The following AUTS2 variants were observed in gnomAD, a reference collection of about 807,000 sequenced individuals.
The protein encoded by AUTS2 is autism susceptibility gene 2 protein.
In AUTS2, 17 loss-of-function variants were observed where a neutral mutation model predicts 112.4. The ratio of observed to expected loss-of-function variants is 0.15; its 90% CI spans 0.10 to 0.23. AUTS2 has a LOEUF of 0.23. Among genes scored for constraint, AUTS2 ranks in the 10% least tolerant of loss-of-function variants. AUTS2 has a pLI of 1.00. For synonymous variants in AUTS2, 751 were observed against 702.7 expected (o/e 1.07, Z -1.09); for missense variants, 1,510 against 1,701.6 (o/e 0.89, Z 1.98).
intron 1 of AUTS2, among the ~76,000 whole-genome samples, chr7:69,645,290 T>C (rs1383622761): frequency 2.0e-5 from 3 of 152,122 alleles, no homozygotes; most frequent in Non-Finnish European, 4.4e-5. Flanking sequence ...CAATGAAAAT[T>C]GTCAAGTAAA....
chr7:70,021,224 C>T (rs888544694), intron 2 of AUTS2, among the ~76,000 whole-genome samples: 11 of 152,240 alleles, frequency 7.2e-5, no homozygotes, highest in East Asian at 5.8e-4. Context: ...TCAGGTGATC[C>T]GCCCGCCTTG....
intron 4 of AUTS2, among the ~76,000 whole-genome samples, chr7:70,282,487 G>A (rs1788267250): frequency 6.6e-6 from 1 of 152,146 alleles, no homozygotes; most frequent in Non-Finnish European, 1.5e-5. Flanking sequence ...GCACCTTCTA[G>A]CTGTGTCCTT....
intron 4 of AUTS2, among the ~76,000 whole-genome samples, chr7:70,364,904 A>G (rs1244765128): frequency 6.6e-6 from 1 of 152,194 alleles, no homozygotes; most frequent in African/African-American, 2.4e-5. Context: ...CTAAAATGCT[A>G]AAAACTTTTC....
chr7:69,788,222 C>T (rs1789464315), intron 1 of AUTS2, among the ~76,000 whole-genome samples: 1 of 152,078 alleles, frequency 6.6e-6, no homozygotes, highest in Admixed American at 6.5e-5. Flanking sequence ...GCAGAGTTGT[C>T]TCTGGCTGAC....
chr7:70,719,207 A>G (rs1201427637), intron 6 of AUTS2, among the ~76,000 whole-genome samples: 1 of 152,076 alleles, frequency 6.6e-6, no homozygotes, highest in African/African-American at 2.4e-5. Context: ...CACTCACCCC[A>G]TGCTACATCA....
intron 4 of AUTS2, among the ~76,000 whole-genome samples, chr7:70,154,868 T>C (rs1807656021): frequency 6.6e-6 from 1 of 152,122 alleles, no homozygotes; most frequent in Non-Finnish European, 1.5e-5. Flanking sequence ...CCTTTTAGTA[T>C]TGGAAGGATA....
At chr7:69,839,833 T>C (rs1352726701) in intron 1 of AUTS2, among the ~76,000 whole-genome samples, 1 of 151,992 alleles carries the variant, frequency 6.6e-6, no homozygotes, top group Admixed American at 6.6e-5. Flanking sequence ...AAAGGAAATA[T>C]GGCAGGAGAG....
rs184963251 is a variant in AUTS2 at position 70,396,537 on chromosome 7, C to T, written c.661-39215C>T. ...GATTACAGGTGTATACCACCACACC[C>T]GGCTAATGTTTGTATCTTTAGTAGA... On this transcript the variant is annotated intron_variant, in intron 4 of 18. Coordinates refer to ENST00000342771, the MANE Select transcript of AUTS2 (RefSeq NM_015570.4). Among the ~76,000 whole-genome samples, 37 of 152,146 alleles carry T rather than the reference C, an allele frequency of 2.4e-4. 1 individual carries two copies. Among genetic ancestry groups the T allele is most frequent in the South Asian group, 1.2e-3 (6 of 4,816 alleles).
chr7:69,961,779 AAAG>A (rs1486005674), intron 2 of AUTS2, among the ~76,000 whole-genome samples: 3 of 152,146 alleles, frequency 2.0e-5, no homozygotes, highest in Non-Finnish European at 4.4e-5. Context: ...CTTCCTCTCA[AAAG>A]AAGATTATTG....
chr7:70,323,650 C>T (rs148488465), intron 4 of AUTS2, among the ~76,000 whole-genome samples: 18 of 152,286 alleles, frequency 1.2e-4, no homozygotes, highest in African/African-American at 3.6e-4. Flanking sequence ...ATCCTGATCT[C>T]GCAACTCACA....
chr7:70,752,322 T>G (rs1788919263), intron 6 of AUTS2, among the ~76,000 whole-genome samples: 1 of 152,180 alleles, frequency 6.6e-6, no homozygotes, highest in African/African-American at 2.4e-5. Context: ...ATTTGGAGTT[T>G]TCCTGTGTTC....
At chr7:70,659,762 A>C (rs756814513) in intron 5 of AUTS2, among the ~76,000 whole-genome samples, 1 of 152,168 alleles carries the variant, frequency 6.6e-6, no homozygotes, top group Non-Finnish European at 1.5e-5. Flanking sequence ...GCATATACAT[A>C]GTGTAATGTC....
chr7:69,674,870 G>T (rs2533429), intron 1 of AUTS2, among the ~76,000 whole-genome samples: 1 of 151,930 alleles, frequency 6.6e-6, no homozygotes, highest in Non-Finnish European at 1.5e-5. Context: ...GACAAGAAAC[G>T]TGGGTCAGGA....
At chr7:70,769,660 G>A (rs1790209341) in intron 10 of AUTS2, among the ~76,000 whole-genome samples, 1 of 152,172 alleles carries the variant, frequency 6.6e-6, no homozygotes, top group African/African-American at 2.4e-5. Context: ...ACTCCTGCCT[G>A]GGCGACTGAG....
At chr7:69,720,797 C>T (rs1005166516) in intron 1 of AUTS2, among the ~76,000 whole-genome samples, 8 of 152,078 alleles carry the variant, frequency 5.3e-5, no homozygotes, top group Non-Finnish European at 7.4e-5. Context: ...GGCTGCCCAA[C>T]GTATTTCAGG....
At chr7:70,757,930 C>T (rs1241116963) in intron 6 of AUTS2, among the ~76,000 whole-genome samples, 1 of 146,282 alleles carries the variant, frequency 6.8e-6, no homozygotes, top group Non-Finnish European at 1.5e-5. Flanking sequence ...CACAGGCAGA[C>T]ACCACCACAC....
At chr7:69,746,623 G>A (rs1009215822) in intron 1 of AUTS2, among the ~76,000 whole-genome samples, 5 of 152,124 alleles carry the variant, frequency 3.3e-5, no homozygotes, top group African/African-American at 1.2e-4. Context: ...GGGTGCTCTT[G>A]CCGTGTTTGA....
rs1562944236 is a variant in AUTS2, at chr7:69,876,529, TATATATATATATATA to T, written c.310-22756_310-22742del. Reference sequence around the variant, plus strand: ...ATATATATATATATATATATATATATATATATATATATATATTTTCAGTGTTCATATAACAAATTT... The same window carrying T: ...ATATATATATATATATATATATATATTTTTCAGTGTTCATATAACAAATTT... On this transcript the variant is annotated intron_variant, in intron 1 of 18. Transcript: ENST00000342771. 8.6e-4 allele frequency among the ~76,000 whole-genome samples: 60 copies of T among 69,388 alleles called. 1 individual carries two copies. The South Asian group carries it at 0.011, about 13-fold the overall frequency. The allele number at this position is 69,388 out of a possible 152,430, so 45.5% of individuals were successfully genotyped here.
chr7:70,531,218 C>G (rs1239350482), intron 5 of AUTS2, among the ~76,000 whole-genome samples: 1 of 58,304 alleles, frequency 1.7e-5, no homozygotes, highest in Admixed American at 1.4e-4. Flanking sequence ...CCAGTATATG[C>G]ACATTTCATG....
Sources: allele counts gnomAD v4.1 joint callset (sites outside exome capture counted in the v4.1 genomes callset), GRCh38; gene constraint gnomAD v4.1.1; transcripts MANE v1.5; gene names NCBI Gene and HGNC (gene_info 2026-07-23, HGNC 2026-07-21).